The following ZNF536 variants were observed in gnomAD, a reference collection of about 807,000 sequenced individuals.
The protein encoded by ZNF536 is zinc finger protein 536.
In ZNF536, 13 loss-of-function variants were observed where a neutral mutation model predicts 84.5. The observed-to-expected ratio is 0.15, with a 90% confidence interval of 0.10 to 0.24. The LOEUF is 0.24. Among genes scored for constraint, ZNF536 ranks in the 10% least tolerant of loss-of-function variants. ZNF536 has a pLI of 1.00. For synonymous variants in ZNF536, 811 were observed against 742.5 expected, an observed-to-expected ratio of 1.09 and a Z score of -1.50; for missense variants, 1,536 against 1,747.5, an observed-to-expected ratio of 0.88 and a Z score of 2.16.
At chr19:30,667,787 A>G (rs2050391886) in intron 1 of ZNF536, among the ~76,000 whole-genome samples, 1 of 152,016 alleles carries the variant, frequency 6.6e-6, no homozygotes, top group Admixed American at 6.5e-5. Context: ...GTACTAGATA[A>G]CAATAGCAGA....
intron 3 of ZNF536, among the ~76,000 whole-genome samples, chr19:30,543,171 CTG>C (rs1186462036): frequency 2.6e-5 from 4 of 152,190 alleles, no homozygotes; most frequent in Non-Finnish European, 5.9e-5. Context: ...TTGAGTGACA[CTG>C]TGCTCCAGGA....
In ZNF536 at chr19:30,277,649, G is replaced by A. The variant is rs552187386; in HGVS notation, c.-189-6423G>A. 7.2e-5 allele frequency among the ~76,000 whole-genome samples: 11 copies of A among 152,318 alleles called. 1 individual carries two copies. The South Asian group carries it at 1.7e-3, about 23-fold the overall frequency. ...CCAACATGCATGTGAATGCTCACACGTGCACACATACATGCACATACCCAC... is the reference window on the plus strand; with the variant it reads ...CCAACATGCATGTGAATGCTCACACATGCACACATACATGCACATACCCAC... On this transcript the variant is annotated intron_variant, in intron 1 of 5. Transcript: ENST00000585628.
intron 1 of ZNF536, among the ~76,000 whole-genome samples, chr19:30,696,099 T>TAATA (rs1283765387): frequency 2.2e-4 from 33 of 152,372 alleles, no homozygotes; most frequent in African/African-American, 7.2e-4. Context: ...GTTTTAGGAA[T>TAATA]AATATCCAAC....
At chr19:30,399,030 C>A (rs565352901) in intron 1 of ZNF536, among the ~76,000 whole-genome samples, 4 of 152,180 alleles carry the variant, frequency 2.6e-5, no homozygotes, top group Non-Finnish European at 5.9e-5. Context: ...TACACTCCCA[C>A]CAACAGTGTA....
intron 1 of ZNF536, among the ~76,000 whole-genome samples, chr19:30,261,064 C>T (rs1001902611): frequency 1.3e-5 from 2 of 151,562 alleles, no homozygotes; most frequent in East Asian, 1.9e-4. Context: ...TTTGGGAGGC[C>T]GAGGCGGGCG....
At chr19:30,317,648 C>T (rs767107953) in intron 2 of ZNF536, among the ~76,000 whole-genome samples, 1 of 152,164 alleles carries the variant, frequency 6.6e-6, no homozygotes, top group Non-Finnish European at 1.5e-5. Flanking sequence ...GCTGCTGGAG[C>T]GGGGCTGGGC....
At chr19:30,676,381 T>C (rs1046075382) in intron 1 of ZNF536, among the ~76,000 whole-genome samples, 4 of 152,220 alleles carry the variant, frequency 2.6e-5, no homozygotes, top group African/African-American at 4.8e-5. Flanking sequence ...TGTGAGCCCC[T>C]TGTCAACATT....
intron 1 of ZNF536, among the ~76,000 whole-genome samples, chr19:30,388,764 A>T (rs1353536844): frequency 6.6e-6 from 1 of 152,132 alleles, no homozygotes; most frequent in African/African-American, 2.4e-5. Context: ...GGAGTGTAAG[A>T]TTCCTTCTTT....
intron 1 of ZNF536, among the ~76,000 whole-genome samples, chr19:30,606,515 C>A (rs1171653676): frequency 1.3e-5 from 2 of 152,090 alleles, no homozygotes; most frequent in Non-Finnish European, 2.9e-5. Context: ...GCTGAGCCAC[C>A]TGAAGTAAGC....
intron 3 of ZNF536, among the ~76,000 whole-genome samples, chr19:30,356,718 T>C (rs1051548983): frequency 3.9e-5 from 6 of 152,218 alleles, no homozygotes; most frequent in Non-Finnish European, 8.8e-5. Context: ...ATTTTAACTC[T>C]AGAGAGAAGA....
intron 2 of ZNF536, among the ~76,000 whole-genome samples, chr19:30,502,475 C>T (rs1338208425): frequency 1.3e-5 from 2 of 151,990 alleles, no homozygotes; most frequent in Non-Finnish European, 2.9e-5. Flanking sequence ...CTGTGTATGT[C>T]CAGGACAAGT....
At chr19:30,342,723 A>G (rs2047602416) in intron 2 of ZNF536, among the ~76,000 whole-genome samples, 2 of 152,254 alleles carry the variant, frequency 1.3e-5, no homozygotes, top group Admixed American at 6.5e-5. Flanking sequence ...AAATAAAAAC[A>G]ACCCAACAAC....
chr19:30,587,249 G>A (rs2047125792), intron 1 of ZNF536, among the ~76,000 whole-genome samples: 1 of 152,168 alleles, frequency 6.6e-6, no homozygotes, highest in Non-Finnish European at 1.5e-5. Context: ...CAGGATCTCA[G>A]CAGAGAAATT....
intron 2 of ZNF536, among the ~76,000 whole-genome samples, chr19:30,480,353 C>T (rs2054024746): frequency 6.6e-6 from 1 of 152,176 alleles, no homozygotes; most frequent in Non-Finnish European, 1.5e-5. Context: ...CTTCCTGCAC[C>T]AAACTATAGT....
At chr19:30,424,040 G>A (rs1390529245) in intron 1 of ZNF536, among the ~76,000 whole-genome samples, 2 of 152,210 alleles carry the variant, frequency 1.3e-5, no homozygotes, top group African/African-American at 2.4e-5. Context: ...GGCTGGCCCT[G>A]CTTGCTGTGA....
intron 1 of ZNF536, among the ~76,000 whole-genome samples, chr19:30,574,118 C>G (rs1053862159): frequency 7.9e-5 from 12 of 152,184 alleles, no homozygotes; most frequent in Admixed American, 6.5e-4. Flanking sequence ...ATACTAGCTG[C>G]AATAGTATCT....
chr19:30,349,846 C>T (rs1001454592), intron 2 of ZNF536, among the ~76,000 whole-genome samples: 2 of 152,038 alleles, frequency 1.3e-5, no homozygotes, highest in Non-Finnish European at 2.9e-5. Context: ...CACTTTAAGT[C>T]ACTAAGACAG....
chr19:30,259,074 CA>C (rs2025057177), intron 1 of ZNF536, among the ~76,000 whole-genome samples: 1 of 152,042 alleles, frequency 6.6e-6, no homozygotes, highest in African/African-American at 2.4e-5. Flanking sequence ...AAAAATATAA[CA>C]AATTTCTGAG....
intron 1 of ZNF536, among the ~76,000 whole-genome samples, chr19:30,652,514 G>T (rs2049747059): frequency 6.6e-6 from 1 of 152,160 alleles, no homozygotes; most frequent in South Asian, 2.1e-4. Context: ...GGGATCTGGG[G>T]AGAGTCACGC....
Sources: allele counts gnomAD v4.1 joint callset (sites outside exome capture counted in the v4.1 genomes callset), GRCh38; gene constraint gnomAD v4.1.1; transcripts MANE v1.5; gene names NCBI Gene and HGNC (gene_info 2026-07-23, HGNC 2026-07-21).